Variants in SLC35F1 observed in about 807,000 individuals in gnomAD.
The protein encoded by SLC35F1 is chromosome 6 open reading frame 169.
SLC35F1 carries 14 observed loss-of-function variants against 48.7 expected under a neutral mutation model. That is an observed-to-expected ratio of 0.29 (90% CI 0.19 to 0.45). The LOEUF (loss-of-function observed/expected upper bound fraction) is 0.45. Ranked by LOEUF, SLC35F1 falls within the 20% of genes least tolerant of loss-of-function variation. SLC35F1 has a pLI of 1.00. For missense variants in SLC35F1, 404 were observed against 500.0 expected, an observed-to-expected ratio of 0.81 and a Z score of 1.83; for synonymous variants, 190 against 202.2, an observed-to-expected ratio of 0.94 and a Z score of 0.51.
chr6:117,923,608 CATAT>C (rs1338477804), intron 1 of SLC35F1, among the ~76,000 whole-genome samples: 1 of 26,076 alleles, frequency 3.8e-5, no homozygotes, highest in African/African-American at 2.1e-4. Context: ...TGTATATATA[CATAT>C]ACATATGTAT....
intron 1 of SLC35F1, among the ~76,000 whole-genome samples, chr6:117,946,913 G>A (rs1442515175): frequency 6.6e-6 from 1 of 152,166 alleles, no homozygotes; most frequent in East Asian, 1.9e-4. Flanking sequence ...GGTGTTTACT[G>A]AGTGCCTGCT....
At chr6:118,240,574 A>G (rs560991607) in intron 3 of SLC35F1, among the ~76,000 whole-genome samples, 57 of 152,350 alleles carry the variant, frequency 3.7e-4, no homozygotes, top group African/African-American at 1.3e-3. Context: ...GTCAAGTGGG[A>G]AAGGCAGCTT....
At chr6:118,231,598 G>T (rs1292046367) in intron 2 of SLC35F1, among the ~76,000 whole-genome samples, 1 of 152,162 alleles carries the variant, frequency 6.6e-6, no homozygotes, top group Non-Finnish European at 1.5e-5. Context: ...CAAGCATGTT[G>T]TCTATTTTCA....
chr6:118,145,457 T>C (rs1406467746), intron 1 of SLC35F1, among the ~76,000 whole-genome samples: 2 of 152,192 alleles, frequency 1.3e-5, no homozygotes, highest in Admixed American at 6.5e-5. Flanking sequence ...TCAAAGAGAA[T>C]ACCAAAATAT....
chr6:118,112,210 C>T (rs1363549393), intron 1 of SLC35F1, among the ~76,000 whole-genome samples: 1 of 151,686 alleles, frequency 6.6e-6, no homozygotes, highest in Non-Finnish European at 1.5e-5. Flanking sequence ...CTCACTGAAA[C>T]CTCCACCTCC....
In SLC35F1 at chr6:118,314,179, A is replaced by C; in HGVS notation, c.1154A>C (p.Gln385Pro). ...GPVVDLPTTA[Q>P]VEPSVTYTSL... Reference sequence around the variant, plus strand: ...GTTGTGGACTTACCGACCACAGCTCAGGTGGAACCCTCAGTCACCTACACC... The same window carrying C: ...GTTGTGGACTTACCGACCACAGCTCCGGTGGAACCCTCAGTCACCTACACC... Residue 385 changes from glutamine to proline, a missense_variant, in exon 8 of 8, where the codon CAG (glutamine) becomes CCG (proline). Transcript: ENST00000360388. 2 of 1,614,184 alleles carry C rather than the reference A, an allele frequency of 1.2e-6. No homozygotes were observed. The highest frequency in any genetic ancestry group is 1.7e-6 in the Non-Finnish European group (2 of 1,180,022).
chr6:118,113,079 A>C (rs1300716137), intron 1 of SLC35F1, among the ~76,000 whole-genome samples: 5 of 152,124 alleles, frequency 3.3e-5, no homozygotes, highest in Non-Finnish European at 7.4e-5. Context: ...ACATTTAAAA[A>C]AATTTTTAAT....
rs1344185580 is a variant in SLC35F1, at chr6:117,907,919, G to C, written c.173+20G>C. 1.6e-5 allele frequency: 21 copies of C among 1,308,678 alleles called. No homozygotes were observed. The highest frequency in any genetic ancestry group is 1.6e-5 in the Non-Finnish European group (17 of 1,034,376). 81.1% of individuals were successfully genotyped at this position (1,308,678 alleles called of 1,614,324 possible). On this transcript the variant is annotated intron_variant, in intron 1 of 7. Transcript: ENST00000360388. ...GAACAGGTGAGCGGCGGCGCCGGGC[G>C]AGGGCGCGGGGGGCGGGGGCTGCGG...
intron 1 of SLC35F1, among the ~76,000 whole-genome samples, chr6:117,976,865 T>C (rs1440868123): frequency 2.6e-5 from 4 of 152,338 alleles, no homozygotes; most frequent in African/African-American, 7.2e-5. Flanking sequence ...TCCACTGTTT[T>C]CATGTATAAT....
intron 1 of SLC35F1, among the ~76,000 whole-genome samples, chr6:118,028,913 A>T (rs1023036100): frequency 2.6e-5 from 4 of 152,092 alleles, no homozygotes; most frequent in African/African-American, 9.7e-5. Context: ...AGTCATGAGG[A>T]TCATTATAGA....
intron 3 of SLC35F1, among the ~76,000 whole-genome samples, chr6:118,266,474 A>G (rs552013714): frequency 4.6e-5 from 7 of 152,298 alleles, no homozygotes; most frequent in South Asian, 2.1e-4. Flanking sequence ...ACAAGAACAG[A>G]TCAATTTTTA....
At chr6:118,038,145 C>G (rs1374002664) in intron 1 of SLC35F1, among the ~76,000 whole-genome samples, 2 of 152,122 alleles carry the variant, frequency 1.3e-5, no homozygotes, top group Non-Finnish European at 2.9e-5. Context: ...TGAGTTATAT[C>G]TACATACATT....
At chr6:118,148,338 A>G (rs976161127) in intron 1 of SLC35F1, among the ~76,000 whole-genome samples, 4 of 152,222 alleles carry the variant, frequency 2.6e-5, no homozygotes, top group African/African-American at 9.6e-5. Context: ...AAAAGAATGT[A>G]TTCTTATAAC....
chr6:118,267,266 A>C, intron 4 of SLC35F1, 112 bp downstream of exon 4: 1 of 1,239,572 alleles, frequency 8.1e-7, no homozygotes, highest in South Asian at 1.4e-5. Flanking sequence ...TGGATTTCCC[A>C]CTATCTGTGT....
intron 2 of SLC35F1, among the ~76,000 whole-genome samples, chr6:118,228,612 T>C (rs918358018): frequency 2.0e-5 from 3 of 152,062 alleles, no homozygotes; most frequent in Non-Finnish European, 2.9e-5. Context: ...GATGATTGCT[T>C]GATCCTGGGA....
chr6:118,296,137 A>T (rs559847380), intron 7 of SLC35F1, among the ~76,000 whole-genome samples: 1 of 152,366 alleles, frequency 6.6e-6, no homozygotes, highest in East Asian at 1.9e-4. Flanking sequence ...TTTAGTAAAT[A>T]AAGTTCTATT....
intron 1 of SLC35F1, among the ~76,000 whole-genome samples, chr6:118,014,102 G>A (rs73521522): frequency 1.3e-5 from 2 of 152,308 alleles, no homozygotes; most frequent in African/African-American, 4.8e-5. Context: ...TCTCAGGCAA[G>A]TTAGTTGACC....
At chr6:117,967,998 A>G (rs534287161) in intron 1 of SLC35F1, among the ~76,000 whole-genome samples, 4 of 152,172 alleles carry the variant, frequency 2.6e-5, no homozygotes, top group African/African-American at 9.7e-5. Context: ...CACTATTTTT[A>G]TTTTATTTCT....
intron 1 of SLC35F1, among the ~76,000 whole-genome samples, chr6:118,006,858 A>G (rs541602316): frequency 3.3e-4 from 50 of 152,266 alleles, no homozygotes; most frequent in African/African-American, 1.2e-3. Flanking sequence ...GTTAACATGT[A>G]TGTGAATATG....
Sources: allele counts gnomAD v4.1 joint callset (sites outside exome capture counted in the v4.1 genomes callset), GRCh38; gene constraint gnomAD v4.1.1; transcripts MANE v1.5; gene names NCBI Gene and HGNC (gene_info 2026-07-23, HGNC 2026-07-21).